CECR2: variants seen among roughly 807,000 people sequenced by gnomAD.
CECR2 encodes CECR2 histone acetyl-lysine reader.
A neutral mutation model predicts 154.5 loss-of-function variants in CECR2; 30 were observed. The observed-to-expected ratio is 0.19, with a 90% CI of 0.15 to 0.26. CECR2 has a LOEUF of 0.26. CECR2 is among the 10% of genes least tolerant of loss of function. The probability of loss-of-function intolerance (pLI) is 1.00; values close to 1 mark genes in which losing one functional copy is unlikely to be tolerated. For synonymous variants in CECR2, 725 were observed against 683.7 expected, an observed-to-expected ratio of 1.06 and a Z score of -0.94; for missense variants, 1,743 against 1,829.3, an observed-to-expected ratio of 0.95 and a Z score of 0.86.
chr22:17,515,740 A>T (rs903439110), intron 8 of CECR2, among the ~76,000 whole-genome samples: 2 of 151,750 alleles, frequency 1.3e-5, no homozygotes, highest in African/African-American at 2.4e-5. Context: ...CAGTGGCACA[A>T]TCTGGGCTCA....
rs369723376 is a variant in CECR2, at chr22:17,537,121, A to G, written c.1127A>G (p.Lys376Arg). Residue 376 changes from lysine to arginine, a missense_variant, in exon 10 of 19, where the codon AAG becomes AGG. Physicochemically the swap from Lys to Arg is conservative, Grantham distance 26. Transcript: ENST00000262608. ...ATTGTAGATCGAGCGAAGAGGAGAA[A>G]GCTCAGGGAAGAAAGGGCATGGCTG... The part of the protein sequence containing the change: ...KAVEDRAKRR[K>R]LREERAWLLA... The G allele has an allele frequency of 8.1e-6, 13 of 1,613,636 alleles. No homozygotes were observed. Among genetic ancestry groups the G allele is most frequent in the Non-Finnish European group, 7.6e-6 (9 of 1,179,828 alleles).
At chr22:17,423,640 G>A (rs1264348970) in intron 1 of CECR2, among the ~76,000 whole-genome samples, 5 of 152,194 alleles carry the variant, frequency 3.3e-5, no homozygotes, top group African/African-American at 7.2e-5. Flanking sequence ...AACTCCAGAG[G>A]TAAATCTTAG....
intron 1 of CECR2, among the ~76,000 whole-genome samples, chr22:17,422,321 C>T (rs545920285): frequency 2.0e-5 from 3 of 152,170 alleles, no homozygotes; most frequent in South Asian, 4.1e-4. Flanking sequence ...CCTCAGTCCC[C>T]CGAGTAGCTG....
At chr22:17,386,317 G>A (rs1391535538) in intron 1 of CECR2, among the ~76,000 whole-genome samples, 1 of 152,120 alleles carries the variant, frequency 6.6e-6, no homozygotes, top group African/African-American at 2.4e-5. Context: ...GATAAGACCT[G>A]TCAAACAGAG....
chr22:17,549,917 C>T (rs2056682999), intron 17 of CECR2, among the ~76,000 whole-genome samples: 1 of 151,258 alleles, frequency 6.6e-6, no homozygotes, highest in African/African-American at 2.4e-5. Context: ...TGAGCCAGCA[C>T]ACCTGGCCTG....
At chr22:17,407,550 G>A (rs1400221038) in intron 1 of CECR2, among the ~76,000 whole-genome samples, 2 of 151,500 alleles carry the variant, frequency 1.3e-5, no homozygotes, top group Non-Finnish European at 2.9e-5. Context: ...AGCTGAGATC[G>A]CATCACTGCA....
At chr22:17,550,015 G>A (rs2056684531) in intron 17 of CECR2, among the ~76,000 whole-genome samples, 1 of 150,500 alleles carries the variant, frequency 6.6e-6, no homozygotes. Flanking sequence ...AATTATTGAT[G>A]TTGTACACTC....
intron 1 of CECR2, among the ~76,000 whole-genome samples, chr22:17,434,209 T>A (rs1358747775): frequency 6.6e-6 from 1 of 152,194 alleles, no homozygotes; most frequent in Non-Finnish European, 1.5e-5. Flanking sequence ...ATGGTGTGAC[T>A]ATTGTTCTGT....
intron 8 of CECR2, among the ~76,000 whole-genome samples, chr22:17,521,607 G>T (rs555850768): frequency 1.3e-5 from 2 of 150,812 alleles, no homozygotes; most frequent in Admixed American, 6.6e-5. Context: ...GATTTTTTTT[G>T]TTGTTGTTAA....
chr22:17,461,198 T>TTC (rs534749375), intron 1 of CECR2, among the ~76,000 whole-genome samples: 1 of 152,246 alleles, frequency 6.6e-6, no homozygotes, highest in Non-Finnish European at 1.5e-5. Context: ...AAAGCTTCTC[T>TTC]TCTCTTTCTC....
At chr22:17,489,242 C>T (rs1034608571) in intron 2 of CECR2, among the ~76,000 whole-genome samples, 5 of 152,144 alleles carry the variant, frequency 3.3e-5, no homozygotes, top group African/African-American at 1.2e-4. Context: ...CTAGTTACTT[C>T]CTATCTTTGC....
In CECR2 at chr22:17,535,368, A is replaced by G. The variant is rs141634663; in HGVS notation, c.1109-1735A>G. On this transcript the variant is annotated intron_variant, in intron 9 of 18. Transcript: ENST00000262608. ...TTTGGAAATGATGGACACCCCTTTG[A>G]CAGTGCCTGATGAAGTTTACATATA... Among the ~76,000 whole-genome samples, 752 of 152,196 alleles carry G rather than the reference A, an allele frequency of 4.9e-3. 1 individual carries two copies. Among genetic ancestry groups the G allele is most frequent in the African/African-American group, 0.016 (679 of 41,534 alleles).
At chr22:17,365,948 G>A (rs528946917), upstream of CECR2, among the ~76,000 whole-genome samples, 25 of 151,768 alleles carry the variant, frequency 1.6e-4, no homozygotes, top group South Asian at 4.8e-3. Flanking sequence ...TTCATATTTT[G>A]CAATGGGAAA....
intron 1 of CECR2, among the ~76,000 whole-genome samples, chr22:17,380,318 C>G (rs2063172414): frequency 6.6e-6 from 1 of 151,788 alleles, no homozygotes; most frequent in Non-Finnish European, 1.5e-5. Flanking sequence ...CTCATTTAAA[C>G]TGTAATATGG....
rs558733941 is a variant in CECR2 at position 17,513,033 on chromosome 22, C to T, written c.954+1137C>T. Reference sequence around the variant, plus strand: ...GTGAAGAAAGAATATTTGGTGCAACCACTAATTAAAAGAGTTGTCCAAGGA... The same window carrying T: ...GTGAAGAAAGAATATTTGGTGCAACTACTAATTAAAAGAGTTGTCCAAGGA... On this transcript the variant is annotated intron_variant, in intron 8 of 18. Coordinates refer to ENST00000262608, the MANE Select transcript of CECR2 (RefSeq NM_001290047.2). Among the ~76,000 whole-genome samples the T allele has an allele frequency of 2.6e-5, 4 of 152,164 alleles. No homozygotes were observed. The East Asian group carries it at 5.8e-4, about 22-fold the overall frequency.
intron 1 of CECR2, among the ~76,000 whole-genome samples, chr22:17,444,924 G>T (rs1197487455): frequency 3.9e-5 from 6 of 152,100 alleles, no homozygotes; most frequent in Admixed American, 3.9e-4. Flanking sequence ...AAACCAAAAA[G>T]AATATTCCAC....
chr22:17,554,472 C>T lies in CECR2; in HGVS notation c.*1632C>T, dbSNP rs1025166128. On this transcript the variant is annotated 3_prime_UTR_variant, in exon 19 of 19. Transcript: ENST00000262608. ...TACAGTTTGCTAAACATATGCTGTC[C>T]GTGGAAAAGGAAGCTAATCGGAAGC... The T allele has an allele frequency of 2.0e-5, 3 of 152,080 alleles. No individual in the cohort carries two copies. The highest frequency in any genetic ancestry group is 2.1e-4 in the South Asian group (1 of 4,798). The allele number at this position is 152,080 out of a possible 1,614,324, so 9.4% of individuals were successfully genotyped here. A position where few individuals can be genotyped will look rare whatever the true frequency, so the allele number is the denominator to read the frequency against.
chr22:17,462,741 C>T (rs1337489478), intron 1 of CECR2, among the ~76,000 whole-genome samples: 1 of 152,028 alleles, frequency 6.6e-6, no homozygotes, highest in African/African-American at 2.4e-5. Flanking sequence ...TGGTGAAACC[C>T]CATCTCTACT....
rs544171860 is a variant in CECR2, at chr22:17,482,720, A to G, written c.221+5038A>G. ...ATCTAATTTCTTTATTTTGGGGTAG[A>G]GGTAGGGTTTCATCATGTTGGCCAT... On this transcript the variant is annotated intron_variant, in intron 2 of 18. Coordinates refer to ENST00000262608, the MANE Select transcript of CECR2 (RefSeq NM_001290047.2). 2.7e-5 allele frequency among the ~76,000 whole-genome samples: 4 copies of G among 147,140 alleles called. No homozygotes were observed. The East Asian group carries it at 6.3e-4, about 23-fold the overall frequency.
Sources: allele counts gnomAD v4.1 joint callset (sites outside exome capture counted in the v4.1 genomes callset), GRCh38; gene constraint gnomAD v4.1.1; transcripts MANE v1.5; gene names NCBI Gene and HGNC (gene_info 2026-07-23, HGNC 2026-07-21).